CACNA2D1: variants seen among roughly 807,000 people sequenced by gnomAD.
CACNA2D1 encodes voltage-dependent calcium channel subunit alpha-2/delta-1.
In CACNA2D1, 53 loss-of-function variants were observed where a neutral mutation model predicts 171.5. The ratio of observed to expected loss-of-function variants is 0.31; its 90% CI spans 0.25 to 0.39. The LOEUF is 0.39. CACNA2D1 is among the 10% of genes least tolerant of loss of function. The probability of loss-of-function intolerance (pLI) is 1.00; values close to 1 mark genes in which losing one functional copy is unlikely to be tolerated. For synonymous variants in CACNA2D1, 442 were observed against 443.1 expected, an observed-to-expected ratio of 1.00 and a Z score of 0.03; for missense variants, 903 against 1,299.8, an observed-to-expected ratio of 0.69 and a Z score of 4.69.
At chr7:82,202,884 G>A (rs1469269413) in intron 3 of CACNA2D1, among the ~76,000 whole-genome samples, 2 of 152,098 alleles carry the variant, frequency 1.3e-5, no homozygotes, top group Non-Finnish European at 2.9e-5. Flanking sequence ...TGAGTGACAC[G>A]CTGACAGATG....
At chr7:82,033,777 T>G (rs773404981) in intron 11 of CACNA2D1, among the ~76,000 whole-genome samples, 1 of 152,092 alleles carries the variant, frequency 6.6e-6, no homozygotes, top group African/African-American at 2.4e-5. Context: ...AAATGAACAA[T>G]TAATTTAGAA....
At chr7:82,049,361 C>CCT (rs1280773201) in intron 10 of CACNA2D1, among the ~76,000 whole-genome samples, 1 of 152,026 alleles carries the variant, frequency 6.6e-6, no homozygotes, top group Non-Finnish European at 1.5e-5. Flanking sequence ...TGTTTTAAGA[C>CCT]CTCCTCCCAT....
Position 81,947,177 on chromosome 7 carries a change from A to G in CACNA2D1, c.*3215T>C, listed in dbSNP as rs1792109384. 6.6e-6 allele frequency: 1 copy of G among 152,028 alleles called. No individual in the cohort carries two copies. Among genetic ancestry groups the G allele is most frequent in the African/African-American group, 2.4e-5 (1 of 41,448 alleles). The allele number at this position is 152,028 out of a possible 1,614,324, so 9.4% of individuals were successfully genotyped here. A position where few individuals can be genotyped will look rare whatever the true frequency, so the allele number is the denominator to read the frequency against. ...GACAAAGATTTAAATGAGATTTAAA[A>G]TACAAGAGAGCATCAAATAAGCAAG... is the stretch of plus-strand genomic sequence containing the variant. On this transcript the variant is annotated 3_prime_UTR_variant, in exon 39 of 39. Transcript: ENST00000356860.
At chr7:82,365,507 T>A (rs1009349576) in intron 1 of CACNA2D1, among the ~76,000 whole-genome samples, 1 of 152,228 alleles carries the variant, frequency 6.6e-6, no homozygotes, top group South Asian at 2.1e-4. Flanking sequence ...TGATTTTCAT[T>A]ACTCAAGAAT....
chr7:82,182,820 G>A (rs898464193), intron 3 of CACNA2D1, among the ~76,000 whole-genome samples: 6 of 152,104 alleles, frequency 3.9e-5, no homozygotes, highest in African/African-American at 1.2e-4. Flanking sequence ...GGCGGATCAC[G>A]AAGTCGGGAG....
In CACNA2D1 at chr7:82,443,429, G is replaced by C. The variant is rs1830666860; in HGVS notation, c.31C>G (p.Leu11Val). The C allele has an allele frequency of 6.2e-7, 1 of 1,608,136 alleles. No individual in the cohort carries two copies. The highest frequency in any genetic ancestry group is 2.2e-5 in the East Asian group (1 of 44,498). Reference sequence around the variant, plus strand: ...ATGAGCAAAGATTGGAAAAGTGTCAGAGTCAAGGCCAGCAGGCAGCCAGCA... The same window carrying C: ...ATGAGCAAAGATTGGAAAAGTGTCACAGTCAAGGCCAGCAGGCAGCCAGCA... MAAGCLLALT[L>V]TLFQSLLIGP... is the part of the protein sequence containing the mutation. The change falls in exon 1 of 39, where the codon CTG becomes GTG. Residue 11 changes from leucine to valine, a missense_variant. By Grantham distance (32) the Leu-to-Val change is conservative (BLOSUM62 1). Coordinates refer to ENST00000356860, the MANE Select transcript of CACNA2D1 (RefSeq NM_000722.4).
At chr7:82,363,283 T>TTTTTTTTTTTTTC in intron 1 of CACNA2D1, among the ~76,000 whole-genome samples, 1 of 107,516 alleles carries the variant, frequency 9.3e-6, no homozygotes, top group Non-Finnish European at 1.9e-5. Flanking sequence ...TTTTTTTTTT[T>TTTTTTTTTTTTTC]GAGACGGAGT....
At chr7:82,383,946 T>C (rs1199909178) in intron 1 of CACNA2D1, among the ~76,000 whole-genome samples, 1 of 152,132 alleles carries the variant, frequency 6.6e-6, no homozygotes, top group Non-Finnish European at 1.5e-5. Context: ...CAAATAATTA[T>C]TTAGAACAAA....
At chr7:82,071,585 T>G (rs1016273350) in intron 7 of CACNA2D1, among the ~76,000 whole-genome samples, 3 of 152,178 alleles carry the variant, frequency 2.0e-5, no homozygotes, top group Non-Finnish European at 1.5e-5. Flanking sequence ...TTTATTCATT[T>G]GTTGAGACTT....
rs561511257 is a variant in CACNA2D1 at position 82,131,213 on chromosome 7, A to C, written c.396+5422T>G. On this transcript the variant is annotated intron_variant, in intron 5 of 38. Transcript: ENST00000356860. The stretch of plus-strand genomic sequence containing the variant: ...AAACTGCAACCTACTTTAAAAGTAT[A>C]TTCTTGTAACTAATAACTGAGTCTC... Among the ~76,000 whole-genome samples the C allele has an allele frequency of 2.9e-4, 44 of 152,306 alleles. No individual in the cohort carries two copies. In the South Asian group the frequency reaches 3.3e-3, roughly 11 times the overall value.
intron 1 of CACNA2D1, among the ~76,000 whole-genome samples, chr7:82,425,781 C>T (rs1283678158): frequency 6.6e-6 from 1 of 150,898 alleles, no homozygotes; most frequent in East Asian, 2.1e-4. Flanking sequence ...CAAGTGTGAG[C>T]CACCGCGCCC....
chr7:82,032,755 T>C, intron 12 of CACNA2D1, 42 bp downstream of exon 12: 1 of 1,133,998 alleles, frequency 8.8e-7, no homozygotes, highest in Non-Finnish European at 1.3e-6. Context: ...AAAAACCACC[T>C]AGATCATTAT....
chr7:82,141,891 G>C (rs1468420154), intron 4 of CACNA2D1, among the ~76,000 whole-genome samples: 1 of 152,098 alleles, frequency 6.6e-6, no homozygotes, highest in Non-Finnish European at 1.5e-5. Flanking sequence ...AGTTATACCA[G>C]TATCATTTAA....
intron 10 of CACNA2D1, among the ~76,000 whole-genome samples, chr7:82,049,831 T>C (rs1043834960): frequency 3.9e-5 from 6 of 152,218 alleles, no homozygotes; most frequent in Non-Finnish European, 7.3e-5. Flanking sequence ...TCCTGAACTC[T>C]AGATGGATGG....
intron 1 of CACNA2D1, among the ~76,000 whole-genome samples, chr7:82,440,047 G>C (rs542242285): frequency 6.7e-6 from 1 of 149,506 alleles, no homozygotes; most frequent in East Asian, 1.9e-4. Context: ...CTAATAACAG[G>C]AAAAAAAAAT....
chr7:82,133,658 A>G (rs1791268581), intron 5 of CACNA2D1, among the ~76,000 whole-genome samples: 1 of 152,228 alleles, frequency 6.6e-6, no homozygotes, highest in African/African-American at 2.4e-5. Flanking sequence ...ACAAAGGAAA[A>G]TTAAACTCCA....
chr7:82,414,981 G>C (rs956261269), intron 1 of CACNA2D1, among the ~76,000 whole-genome samples: 1 of 152,074 alleles, frequency 6.6e-6, no homozygotes, highest in Non-Finnish European at 1.5e-5. Context: ...CTTATTTAGG[G>C]GAAGAAGAAA....
intron 3 of CACNA2D1, among the ~76,000 whole-genome samples, chr7:82,224,986 T>C (rs1466397715): frequency 6.6e-6 from 1 of 152,240 alleles, no homozygotes; most frequent in Non-Finnish European, 1.5e-5. Context: ...CTTGGAATTA[T>C]ATAAACTATC....
At chr7:82,294,768 T>C (rs891992002) in intron 3 of CACNA2D1, among the ~76,000 whole-genome samples, 5 of 152,152 alleles carry the variant, frequency 3.3e-5, no homozygotes, top group African/African-American at 9.6e-5. Context: ...ATCAATCTTA[T>C]CATTCTGAAA....
Sources: gnomAD v4.1 joint callset for allele counts (sites outside exome capture counted in the v4.1 genomes callset) on GRCh38, gnomAD v4.1.1 for gene constraint, MANE v1.5 for transcripts, NCBI Gene and HGNC (gene_info 2026-07-23, HGNC 2026-07-21) for gene names.